FLI1: variants seen among roughly 807,000 people sequenced by gnomAD.
FLI1 encodes the protein Fli-1 proto-oncogene, ETS transcription factor, also known as Friend leukemia integration 1 transcription factor.
A neutral mutation model predicts 53.1 loss-of-function variants in FLI1; 13 were observed. The ratio of observed to expected loss-of-function variants is 0.24; its 90% CI spans 0.16 to 0.39. The LOEUF (loss-of-function observed/expected upper bound fraction) is 0.39. Ranked by LOEUF, FLI1 falls within the 10% of genes least tolerant of loss-of-function variation. FLI1 has a pLI of 1.00. For missense variants in FLI1, 424 were observed against 600.5 expected (o/e 0.71, Z 3.07); for synonymous variants, 244 against 236.7 (o/e 1.03, Z -0.28).
chr11:128,796,092 A>AC (rs3831826), intron 5 of FLI1, among the ~76,000 whole-genome samples: 15,334 of 151,774 alleles, frequency 0.1, 927 homozygotes, highest in East Asian at 0.27. Flanking sequence ...AGGAGTTCTG[A>AC]CCCCCCAGCC....
At chr11:128,690,810 C>T (rs1330496636), upstream of FLI1, among the ~76,000 whole-genome samples, 1 of 152,160 alleles carries the variant, frequency 6.6e-6, no homozygotes, top group African/African-American at 2.4e-5. Flanking sequence ...GAAGAGCTTC[C>T]TTGGCTGTGA....
At chr11:128,713,390 T>C (rs1938869194) in intron 1 of FLI1, among the ~76,000 whole-genome samples, 1 of 152,210 alleles carries the variant, frequency 6.6e-6, no homozygotes, top group South Asian at 2.1e-4. Flanking sequence ...TTTTTTCAAA[T>C]TGCATTGGGA....
intron 1 of FLI1, among the ~76,000 whole-genome samples, chr11:128,702,157 C>T (rs1231699850): frequency 6.6e-6 from 1 of 152,210 alleles, no homozygotes; most frequent in African/African-American, 2.4e-5. Flanking sequence ...AATTCATACT[C>T]ATTCATGTAT....
chr11:128,734,013 A>G (rs369775801), intron 1 of FLI1, among the ~76,000 whole-genome samples: 15 of 152,314 alleles, frequency 9.8e-5, no homozygotes, highest in South Asian at 4.1e-4. Flanking sequence ...GGTTCAGAGT[A>G]CTGCTACCTG....
chr11:128,736,246 A>G (rs553768916), intron 1 of FLI1, among the ~76,000 whole-genome samples: 1 of 149,644 alleles, frequency 6.7e-6, no homozygotes, highest in African/African-American at 2.5e-5. Flanking sequence ...TCATATATGC[A>G]GAGCAATCAG....
At chr11:128,776,605 C>T (rs982481077) in intron 4 of FLI1, among the ~76,000 whole-genome samples, 2 of 152,120 alleles carry the variant, frequency 1.3e-5, no homozygotes, top group Admixed American at 6.5e-5. Context: ...GAGCTGAGAT[C>T]GCACCACCGC....
chr11:128,689,512 A>C (rs1312733352), upstream of FLI1, among the ~76,000 whole-genome samples: 1 of 152,142 alleles, frequency 6.6e-6, no homozygotes, highest in East Asian at 1.9e-4. Flanking sequence ...CCCGGACGAA[A>C]GGAGGTTGCT....
chr11:128,686,161 T>C (rs1376224052), upstream of FLI1: 3 of 359,784 alleles, frequency 8.3e-6, no homozygotes, highest in East Asian at 2.2e-4. Flanking sequence ...GTCTGTGCAC[T>C]GAGGGGCGAG....
At chr11:128,706,506 T>A (rs1938551782) in intron 1 of FLI1, among the ~76,000 whole-genome samples, 1 of 152,032 alleles carries the variant, frequency 6.6e-6, no homozygotes, top group African/African-American at 2.4e-5. Context: ...TCCCCAGTAG[T>A]CTCAAAAAGA....
chr11:128,743,728 C>T, intron 1 of FLI1, among the ~76,000 whole-genome samples: 1 of 102,738 alleles, frequency 9.7e-6, no homozygotes, highest in South Asian at 2.4e-4. Context: ...CAGTCCCAAG[C>T]CCCCAGGAAC....
chr11:128,772,195 T>G (rs1941590439), intron 3 of FLI1, among the ~76,000 whole-genome samples: 1 of 152,200 alleles, frequency 6.6e-6, no homozygotes. Context: ...TCATCTCTCA[T>G]CTTTGGGTAT....
At chr11:128,795,771 T>C (rs1942422203) in intron 5 of FLI1, among the ~76,000 whole-genome samples, 1 of 152,110 alleles carries the variant, frequency 6.6e-6, no homozygotes, top group Non-Finnish European at 1.5e-5. Flanking sequence ...AGGATGGTCT[T>C]GATCTCCTCA....
intron 1 of FLI1, among the ~76,000 whole-genome samples, chr11:128,757,100 C>CTTTG (rs1565484405): frequency 1.5e-5 from 2 of 133,892 alleles, no homozygotes; most frequent in South Asian, 4.9e-4. Context: ...TTCTTTCTTT[C>CTTTG]TTTCTTTCTT....
At position 128,751,825 on chromosome 11, in the gene FLI1, G is replaced by GTT. The variant is rs1234798086; in HGVS notation, c.19-6290_19-6289insTT. On this transcript the variant is annotated intron_variant, in intron 1 of 8. Transcript: ENST00000527786. ...TTACAGGCGTGGGTTTTTTTTTTTG[G>GTT]GTTTGTTTTTTTTTTTTTGTAGAGA... Among the ~76,000 whole-genome samples the GTT allele has an allele frequency of 4.6e-4, 65 of 140,758 alleles. 1 individual carries two copies. The highest frequency in any genetic ancestry group is 1.4e-3 in the African/African-American group (50 of 36,476). 92.3% of individuals were successfully genotyped at this position (140,758 alleles called of 152,430 possible). A position where few individuals can be genotyped will look rare whatever the true frequency, so the allele number is the denominator to read the frequency against.
At chr11:128,790,292 A>G (rs1466419232) in intron 5 of FLI1, among the ~76,000 whole-genome samples, 3 of 148,334 alleles carry the variant, frequency 2.0e-5, no homozygotes, top group Non-Finnish European at 4.4e-5. Flanking sequence ...TAAGAGAGAG[A>G]GAGACAGAGA....
At chr11:128,767,088 T>C (rs748973602) in intron 2 of FLI1, among the ~76,000 whole-genome samples, 3 of 151,868 alleles carry the variant, frequency 2.0e-5, no homozygotes, top group African/African-American at 7.3e-5. Context: ...GCATGCAGAG[T>C]GTGTTTGCCA....
chr11:128,698,534 G>A (rs1395347825), intron 1 of FLI1, among the ~76,000 whole-genome samples: 1 of 152,192 alleles, frequency 6.6e-6, no homozygotes, highest in African/African-American at 2.4e-5. Context: ...CTGAGGTCTA[G>A]GTTGTTAAAT....
chr11:128,749,196 TCAGA>T (rs1940539064), intron 1 of FLI1, among the ~76,000 whole-genome samples: 1 of 152,220 alleles, frequency 6.6e-6, no homozygotes. Context: ...GAAAGGATAC[TCAGA>T]CAGTCACCTC....
intron 2 of FLI1, among the ~76,000 whole-genome samples, chr11:128,761,108 C>T (rs892050783): frequency 2.6e-5 from 4 of 152,106 alleles, no homozygotes; most frequent in African/African-American, 7.2e-5. Flanking sequence ...CTCTCTACTG[C>T]CCCCTCCCTC....
Sources: gnomAD v4.1 joint callset for allele counts (sites outside exome capture counted in the v4.1 genomes callset) on GRCh38, gnomAD v4.1.1 for gene constraint, MANE v1.5 for transcripts, NCBI Gene and HGNC (gene_info 2026-07-23, HGNC 2026-07-21) for gene names.